Variants in CCND3 observed in about 807,000 individuals in gnomAD.
CCND3 encodes cyclin D3, also known as G1/S-specific cyclin-D3.
CCND3 carries 9 observed loss-of-function variants against 28.7 expected under a neutral mutation model. That is an observed-to-expected ratio of 0.31 (90% CI 0.19 to 0.55). The LOEUF (loss-of-function observed/expected upper bound fraction) is 0.55, where lower values mean the gene tolerates loss of function less well. Ranked by LOEUF, CCND3 falls within the 20% of genes least tolerant of loss-of-function variation. CCND3 has a pLI of 0.93. For synonymous variants in CCND3, 164 were observed against 163.9 expected (o/e 1.00, Z 0.00); for missense variants, 315 against 385.8 (o/e 0.82, Z 1.54).
intron 1 of CCND3, among the ~76,000 whole-genome samples, chr6:41,997,437 G>A (rs1468524470): frequency 6.6e-6 from 1 of 152,176 alleles, no homozygotes; most frequent in African/African-American, 2.4e-5. Context: ...GGGAAATAGT[G>A]TGAGTTATCT....
upstream of CCND3, among the ~76,000 whole-genome samples, chr6:41,945,619 A>G (rs1441355376): frequency 6.6e-6 from 1 of 152,176 alleles, no homozygotes; most frequent in Non-Finnish European, 1.5e-5. Context: ...CTTCAGACCC[A>G]TTGAGATGCT....
intron 1 of CCND3, among the ~76,000 whole-genome samples, chr6:41,995,520 T>G (rs1762775550): frequency 6.6e-6 from 1 of 152,154 alleles, no homozygotes; most frequent in African/African-American, 2.4e-5. Flanking sequence ...CCTCCCAAAG[T>G]GCTGGGATTA....
intron 1 of CCND3, among the ~76,000 whole-genome samples, chr6:41,959,679 T>TCCGTCTCAAAAAAAGAAAAAAA (rs772818142): frequency 6.8e-6 from 1 of 147,120 alleles, no homozygotes; most frequent in South Asian, 2.2e-4. Flanking sequence ...ACAGCAAGAC[T>TCCGTCTCAAAAAAAGAAAAAAA]AAATCAGGCC....
intron 1 of CCND3, among the ~76,000 whole-genome samples, chr6:41,949,236 C>T (rs1406397706): frequency 6.6e-6 from 1 of 152,102 alleles, no homozygotes; most frequent in Non-Finnish European, 1.5e-5. Flanking sequence ...AATCGCAGCA[C>T]TTTGGGAGGC....
At chr6:41,955,225 T>C (rs1776408576) in intron 1 of CCND3, among the ~76,000 whole-genome samples, 1 of 152,106 alleles carries the variant, frequency 6.6e-6, no homozygotes, top group Non-Finnish European at 1.5e-5. Context: ...ATTTTTAATA[T>C]AATGATTCCA....
intron 1 of CCND3, among the ~76,000 whole-genome samples, chr6:42,042,851 T>C (rs1158534979): frequency 6.7e-6 from 1 of 150,104 alleles, no homozygotes; most frequent in Non-Finnish European, 1.5e-5. Flanking sequence ...GGGTCTATAG[T>C]TATGCCCATT....
intron 1 of CCND3, among the ~76,000 whole-genome samples, chr6:41,997,899 T>A (rs1398825847): frequency 6.6e-6 from 1 of 151,586 alleles, no homozygotes; most frequent in Non-Finnish European, 1.5e-5. Flanking sequence ...CCCAGCACTT[T>A]GGGAGGCTGA....
At chr6:42,014,902 TCCTTGTTATTATA>T (rs1763453680) in intron 1 of CCND3, among the ~76,000 whole-genome samples, 1 of 152,220 alleles carries the variant, frequency 6.6e-6, no homozygotes, top group Admixed American at 6.5e-5. Flanking sequence ...ATACTTGTTA[TCCTTGTTATTATA>T]CCATCATCTG....
chr6:41,976,743 C>T (rs1762197124), intron 1 of CCND3, among the ~76,000 whole-genome samples: 1 of 152,144 alleles, frequency 6.6e-6, no homozygotes, highest in Non-Finnish European at 1.5e-5. Flanking sequence ...GTTGTGATAA[C>T]AAAACTGTCT....
At chr6:42,043,400 G>T (rs986502608) in intron 1 of CCND3, among the ~76,000 whole-genome samples, 1 of 152,188 alleles carries the variant, frequency 6.6e-6, no homozygotes, top group Non-Finnish European at 1.5e-5. Context: ...GTGTGGTGGC[G>T]GGTGCCTGTA....
At chr6:42,028,110 A>G (rs914977458) in intron 1 of CCND3, among the ~76,000 whole-genome samples, 1 of 152,214 alleles carries the variant, frequency 6.6e-6, no homozygotes, top group East Asian at 1.9e-4. Context: ...ACAAACTTGT[A>G]AAGTCCCTAG....
intron 1 of CCND3, among the ~76,000 whole-genome samples, chr6:42,007,558 C>T (rs891643423): frequency 1.3e-5 from 2 of 152,150 alleles, no homozygotes; most frequent in Non-Finnish European, 2.9e-5. Flanking sequence ...GGAAACTACC[C>T]AAGGGCCTAA....
At chr6:41,973,235 C>A (rs1762082610) in intron 1 of CCND3, among the ~76,000 whole-genome samples, 1 of 152,210 alleles carries the variant, frequency 6.6e-6, no homozygotes, top group Non-Finnish European at 1.5e-5. Context: ...GAATTTCATT[C>A]TCCACTTAAG....
chr6:42,012,728 T>C (rs1438566887), intron 1 of CCND3, among the ~76,000 whole-genome samples: 1 of 152,242 alleles, frequency 6.6e-6, no homozygotes, highest in Non-Finnish European at 1.5e-5. Context: ...TGTGGAATTA[T>C]GTACATTACA....
intron 1 of CCND3, among the ~76,000 whole-genome samples, chr6:42,024,981 C>T (rs1439599847): frequency 3.9e-5 from 6 of 152,070 alleles, no homozygotes; most frequent in Non-Finnish European, 5.9e-5. Flanking sequence ...TCGCTCGAAC[C>T]CAGGAGGTGG....
intron 1 of CCND3, among the ~76,000 whole-genome samples, chr6:41,969,705 C>A (rs1022214952): frequency 6.6e-6 from 1 of 152,080 alleles, no homozygotes; most frequent in African/African-American, 2.4e-5. Context: ...CACTGCACTC[C>A]TGCCTAGTGA....
At chr6:42,024,917 G>A (rs949149130) in intron 1 of CCND3, among the ~76,000 whole-genome samples, 3 of 152,114 alleles carry the variant, frequency 2.0e-5, no homozygotes, top group Non-Finnish European at 2.9e-5. Context: ...AATTAGCCCA[G>A]TGTGGTGGTG....
chr6:41,972,287 C>T (rs1762056097), intron 1 of CCND3, among the ~76,000 whole-genome samples: 1 of 151,082 alleles, frequency 6.6e-6, no homozygotes, highest in Non-Finnish European at 1.5e-5. Context: ...CTTTGCAGTT[C>T]TAACATTCTG....
chr6:42,002,392 A>G (rs1438618601), intron 1 of CCND3, among the ~76,000 whole-genome samples: 1 of 148,824 alleles, frequency 6.7e-6, no homozygotes, highest in Non-Finnish European at 1.5e-5. Flanking sequence ...GTGAGCCCAG[A>G]TTGTGCCACT....
Sources: gnomAD v4.1 joint callset for allele counts (sites outside exome capture counted in the v4.1 genomes callset) on GRCh38, gnomAD v4.1.1 for gene constraint, MANE v1.5 for transcripts, NCBI Gene and HGNC (gene_info 2026-07-23, HGNC 2026-07-21) for gene names.